The following ZDHHC21 variants were observed in gnomAD, a reference collection of about 807,000 sequenced individuals.
The protein encoded by ZDHHC21 is palmitoyltransferase ZDHHC21.
ZDHHC21 carries 15 observed loss-of-function variants against 34.6 expected under a neutral mutation model. That is an observed-to-expected ratio of 0.43 (90% CI 0.29 to 0.67). ZDHHC21 has a LOEUF of 0.67. ZDHHC21 is among the 30% of genes least tolerant of loss of function. ZDHHC21 has a pLI of 0.14. For synonymous variants in ZDHHC21, 142 were observed against 101.8 expected (o/e 1.40, Z -2.38); for missense variants, 344 against 327.7 (o/e 1.05, Z -0.38).
At chr9:14,605,113 T>C in the ZDHHC21 span, among the ~76,000 whole-genome samples, 1 of 152,144 alleles carries the variant, frequency 6.6e-6, no homozygotes, top group African/African-American at 2.4e-5. Context: ...CAACCATCAA[T>C]GGGCATTTAG....
chr9:14,684,162 C>T (rs1837892244), intron 2 of ZDHHC21, among the ~76,000 whole-genome samples: 1 of 151,230 alleles, frequency 6.6e-6, no homozygotes, highest in East Asian at 1.9e-4. Context: ...TGCCCTCTCT[C>T]ACCACTCCTA....
At chr9:14,643,677 A>G (rs1829792669) in intron 7 of ZDHHC21, among the ~76,000 whole-genome samples, 1 of 152,192 alleles carries the variant, frequency 6.6e-6, no homozygotes, top group African/African-American at 2.4e-5. Flanking sequence ...TTAGGTCACT[A>G]ATTCACATAG....
chr9:14,684,983 G>A (rs1399534999), intron 2 of ZDHHC21, among the ~76,000 whole-genome samples: 1 of 152,190 alleles, frequency 6.6e-6, no homozygotes, highest in Non-Finnish European at 1.5e-5. Context: ...ATGGTGTTGG[G>A]AAAACTGGAT....
At chr9:14,672,186 A>T (rs1284957156) in intron 5 of ZDHHC21, among the ~76,000 whole-genome samples, 1 of 152,114 alleles carries the variant, frequency 6.6e-6, no homozygotes, top group Non-Finnish European at 1.5e-5. Context: ...AAGTATTAGG[A>T]CTTCAAGATC....
chr9:14,681,752 TGTGTG>T (rs1254197339), intron 2 of ZDHHC21, among the ~76,000 whole-genome samples: 1 of 151,630 alleles, frequency 6.6e-6, no homozygotes, highest in Non-Finnish European at 1.5e-5. Flanking sequence ...TGTGTGTGTG[TGTGTG>T]TAAGTGGGTG....
At chr9:14,607,165 G>C (rs945147704), downstream of ZDHHC21, among the ~76,000 whole-genome samples, 10 of 151,198 alleles carry the variant, frequency 6.6e-5, no homozygotes, top group African/African-American at 2.5e-4. Flanking sequence ...CTGTACAGAA[G>C]AGGGTGGGCA....
At chr9:14,602,852 G>A in the ZDHHC21 span, among the ~76,000 whole-genome samples, 1 of 144,596 alleles carries the variant, frequency 6.9e-6, no homozygotes, top group South Asian at 2.2e-4. Flanking sequence ...GAGCCCAGGT[G>A]TTCGAGGTTA....
intron 8 of ZDHHC21, among the ~76,000 whole-genome samples, chr9:14,630,396 T>G (rs1827125902): frequency 6.6e-6 from 1 of 152,188 alleles, no homozygotes; most frequent in Non-Finnish European, 1.5e-5. Flanking sequence ...CTTCCACTTC[T>G]TATTTCTCTT....
downstream of ZDHHC21, among the ~76,000 whole-genome samples, chr9:14,606,770 TTAA>T (rs1438387007): frequency 6.6e-6 from 1 of 151,932 alleles, no homozygotes; most frequent in African/African-American, 2.4e-5. Flanking sequence ...AGGAAATATA[TTAA>T]TAAAAAGTTA....
At chr9:14,599,058 C>A in the ZDHHC21 span, among the ~76,000 whole-genome samples, 3 of 152,308 alleles carry the variant, frequency 2.0e-5, no homozygotes, top group Admixed American at 1.3e-4. Flanking sequence ...CCACCTCACC[C>A]ATCCCTGAGT....
chr9:14,596,442 T>C, the ZDHHC21 span, among the ~76,000 whole-genome samples: 1 of 152,174 alleles, frequency 6.6e-6, no homozygotes, highest in Non-Finnish European at 1.5e-5. Context: ...GTGGCATCCC[T>C]AGAAAACCTT....
At chr9:14,609,264 G>A (rs1183023744), downstream of ZDHHC21, among the ~76,000 whole-genome samples, 1 of 152,062 alleles carries the variant, frequency 6.6e-6, no homozygotes, top group African/African-American at 2.4e-5. Context: ...AGCACTTCAG[G>A]TGAATTCCAG....
chr9:14,662,322 C>T lies in ZDHHC21; in HGVS notation c.258G>A (p.Arg86=). 6.2e-7 allele frequency: 1 copy of T among 1,602,894 alleles called. No individual in the cohort carries two copies. Among genetic ancestry groups the T allele is most frequent in the Non-Finnish European group, 8.5e-7 (1 of 1,176,054 alleles). The change falls in exon 6 of 10, where the codon AGG becomes AGA. Residue 86 remains arginine, a synonymous_variant. Transcript: ENST00000380916. ...PENPKIPHGE[R]EFWELCNKCN... The stretch of plus-strand genomic sequence containing the variant: ...ACTTGTTACATAATTCCCAGAACTC[C>T]CTTTCTAAAGAAAAGAAATTAAAAT...
chr9:14,656,560 C>T (rs1028815165), intron 7 of ZDHHC21, among the ~76,000 whole-genome samples: 4 of 151,898 alleles, frequency 2.6e-5, no homozygotes, highest in African/African-American at 9.7e-5. Flanking sequence ...ATAACATAAT[C>T]TGAGTTTTCA....
At chr9:14,607,480 T>C (rs147196499), downstream of ZDHHC21, among the ~76,000 whole-genome samples, 948 of 152,084 alleles carry the variant, frequency 6.2e-3, 11 homozygotes, top group African/African-American at 0.021. Flanking sequence ...ATAACACATA[T>C]GATAATGTGA....
At chr9:14,607,420 A>G (rs1403812053), downstream of ZDHHC21, among the ~76,000 whole-genome samples, 2 of 152,186 alleles carry the variant, frequency 1.3e-5, no homozygotes, top group African/African-American at 4.8e-5. Flanking sequence ...AAAAGTTATT[A>G]TATGTTAATA....
intron 6 of ZDHHC21, among the ~76,000 whole-genome samples, chr9:14,660,295 G>C (rs150300608): frequency 6.8e-6 from 1 of 146,556 alleles, no homozygotes; most frequent in Non-Finnish European, 1.5e-5. Context: ...GAGGCCAGGA[G>C]GCAGAGGTTG....
intron 3 of ZDHHC21, among the ~76,000 whole-genome samples, chr9:14,678,770 T>C (rs773248979): frequency 1.3e-5 from 2 of 152,098 alleles, no homozygotes; most frequent in Non-Finnish European, 2.9e-5. Context: ...TAAATGTCCA[T>C]GTAGAGAAAA....
At chr9:14,622,446 G>A (rs1825470505) in intron 8 of ZDHHC21, 1 of 819,384 alleles carries the variant, frequency 1.2e-6, no homozygotes, top group Admixed American at 6.4e-5. Context: ...AGGAGAAAGA[G>A]ATATCTCTTG....
Sources: allele counts gnomAD v4.1 joint callset (sites outside exome capture counted in the v4.1 genomes callset), GRCh38; gene constraint gnomAD v4.1.1; transcripts MANE v1.5; gene names NCBI Gene and HGNC (gene_info 2026-07-23, HGNC 2026-07-21).